Variants in GPC5 observed in about 807,000 individuals in gnomAD.
The protein encoded by GPC5 is glypican-5.
GPC5 carries 47 observed loss-of-function variants against 53.9 expected under a neutral mutation model. The ratio of observed to expected loss-of-function variants is 0.87; its 90% CI spans 0.69 to 1.11. The LOEUF (loss-of-function observed/expected upper bound fraction) is 1.11, where lower values mean the gene tolerates loss of function less well. Ranked by LOEUF, GPC5 falls within the 50% of genes most tolerant of loss-of-function variation. The pLI is 0.00. For synonymous variants in GPC5, 286 were observed against 263.3 expected, an observed-to-expected ratio of 1.09 and a Z score of -0.84; for missense variants, 748 against 713.1, an observed-to-expected ratio of 1.05 and a Z score of -0.56.
At chr13:92,632,249 ATATT>A (rs1277825262) in intron 7 of GPC5, among the ~76,000 whole-genome samples, 6 of 152,102 alleles carry the variant, frequency 3.9e-5, no homozygotes, top group Admixed American at 2.6e-4. Flanking sequence ...TTCTAATTAT[ATATT>A]TGATGATTAA....
At chr13:92,754,139 A>C (rs1390893314) in intron 7 of GPC5, among the ~76,000 whole-genome samples, 2 of 152,208 alleles carry the variant, frequency 1.3e-5, no homozygotes, top group Non-Finnish European at 2.9e-5. Flanking sequence ...TCTCGGCAGA[A>C]ACCCTACAAG....
At chr13:91,647,881 A>C (rs1373674666) in intron 2 of GPC5, among the ~76,000 whole-genome samples, 5 of 152,174 alleles carry the variant, frequency 3.3e-5, no homozygotes. Flanking sequence ...TTTCTAACAC[A>C]CTGTATAAGG....
chr13:92,311,721 C>T (rs1302080384), intron 7 of GPC5, among the ~76,000 whole-genome samples: 1 of 152,088 alleles, frequency 6.6e-6, no homozygotes, highest in African/African-American at 2.4e-5. Flanking sequence ...TGGGAAAAAC[C>T]CACCCCTATG....
chr13:92,294,832 T>TC (rs1198886008), intron 7 of GPC5, among the ~76,000 whole-genome samples: 4 of 144,788 alleles, frequency 2.8e-5, no homozygotes, highest in African/African-American at 1.0e-4. Flanking sequence ...TTTTCTTTTT[T>TC]TTTTTTTTTT....
intron 7 of GPC5, among the ~76,000 whole-genome samples, chr13:92,398,691 A>G (rs1389506360): frequency 3.9e-5 from 6 of 152,196 alleles, no homozygotes; most frequent in Non-Finnish European, 7.3e-5. Context: ...ACATCCAGCT[A>G]AATATATCAA....
chr13:92,231,684 ACAGCC>A (rs1310963726), intron 7 of GPC5, among the ~76,000 whole-genome samples: 1 of 149,448 alleles, frequency 6.7e-6, no homozygotes, highest in East Asian at 1.9e-4. Flanking sequence ...ATTCCCAATG[ACAGCC>A]AGGCAAGGTG....
intron 7 of GPC5, among the ~76,000 whole-genome samples, chr13:92,742,638 A>C (rs1056746904): frequency 1.3e-5 from 2 of 152,042 alleles, no homozygotes; most frequent in African/African-American, 4.8e-5. Flanking sequence ...TTGGTGTTTT[A>C]GACACGAAGT....
At chr13:92,327,750 C>A (rs957956892) in intron 7 of GPC5, among the ~76,000 whole-genome samples, 4 of 152,108 alleles carry the variant, frequency 2.6e-5, no homozygotes, top group Non-Finnish European at 5.9e-5. Context: ...ACAACGAAAT[C>A]AAAACTTTTC....
At chr13:92,157,526 C>T (rs959690111) in intron 7 of GPC5, among the ~76,000 whole-genome samples, 2 of 152,052 alleles carry the variant, frequency 1.3e-5, no homozygotes, top group African/African-American at 4.8e-5. Context: ...AGAATCCTGG[C>T]TTTTGAAACA....
chr13:92,357,217 T>C (rs182164941), intron 7 of GPC5, among the ~76,000 whole-genome samples: 2 of 151,884 alleles, frequency 1.3e-5, no homozygotes, highest in Non-Finnish European at 2.9e-5. Flanking sequence ...TTTATATTCC[T>C]TTGGGTATAT....
rs9515998 is a variant in GPC5 at position 91,994,377 on chromosome 13, A to T, written c.1401+86320A>T. The T allele has an allele frequency of 5.3e-5, 8 of 152,162 alleles. No homozygotes were observed. In the East Asian group the frequency reaches 5.8e-4, roughly 11 times the overall value. 9.4% of individuals were successfully genotyped at this position (152,162 alleles called of 1,614,324 possible). A position where few individuals can be genotyped will look rare whatever the true frequency, so the allele number is the denominator to read the frequency against. ...TATATGTTGTTGAAGGCATCAAAGA[A>T]GCCTGTGTTGGGCCATCATGGATTT... is the stretch of plus-strand genomic sequence containing the variant. On this transcript the variant is annotated intron_variant, in intron 6 of 7. Coordinates refer to ENST00000377067, the MANE Select transcript of GPC5 (RefSeq NM_004466.6).
At chr13:92,838,251 G>A (rs1326433067) in intron 7 of GPC5, among the ~76,000 whole-genome samples, 2 of 151,906 alleles carry the variant, frequency 1.3e-5, no homozygotes, top group African/African-American at 2.4e-5. Context: ...TTGGGAGGCC[G>A]CGGAGGGCGG....
At chr13:92,205,616 C>G (rs1333417384) in intron 7 of GPC5, among the ~76,000 whole-genome samples, 3 of 152,150 alleles carry the variant, frequency 2.0e-5, no homozygotes, top group African/African-American at 4.8e-5. Context: ...TTGGCCAAGC[C>G]TTTCTTACAG....
intron 2 of GPC5, among the ~76,000 whole-genome samples, chr13:91,615,561 T>C (rs1259949187): frequency 6.6e-6 from 1 of 152,184 alleles, no homozygotes; most frequent in Non-Finnish European, 1.5e-5. Flanking sequence ...ACAGAGCCTA[T>C]GTTTTTCTTG....
intron 7 of GPC5, among the ~76,000 whole-genome samples, chr13:92,408,795 A>T (rs1411952589): frequency 6.6e-6 from 1 of 152,076 alleles, no homozygotes; most frequent in African/African-American, 2.4e-5. Context: ...ATAAAGAATA[A>T]CTAAGGTAGT....
At chr13:91,684,650 G>A (rs934476786) in intron 2 of GPC5, among the ~76,000 whole-genome samples, 1 of 152,164 alleles carries the variant, frequency 6.6e-6, no homozygotes, top group Non-Finnish European at 1.5e-5. Context: ...CATACTGTTA[G>A]CATAGCCTTT....
chr13:92,249,884 A>G (rs1292704729), intron 7 of GPC5, among the ~76,000 whole-genome samples: 1 of 152,082 alleles, frequency 6.6e-6, no homozygotes, highest in African/African-American at 2.4e-5. Context: ...TACCTCTCTT[A>G]GTTTCCGGTA....
intron 7 of GPC5, among the ~76,000 whole-genome samples, chr13:92,159,445 G>A (rs2041969821): frequency 6.6e-6 from 1 of 152,064 alleles, no homozygotes; most frequent in South Asian, 2.1e-4. Context: ...GGGGACTCAG[G>A]TATGAGCATC....
chr13:91,524,767 C>A (rs894751379), intron 2 of GPC5, among the ~76,000 whole-genome samples: 1 of 152,126 alleles, frequency 6.6e-6, no homozygotes, highest in African/African-American at 2.4e-5. Flanking sequence ...ATAATTCACC[C>A]TTTCCCAAGG....
Sources: allele counts gnomAD v4.1 joint callset (sites outside exome capture counted in the v4.1 genomes callset), GRCh38; gene constraint gnomAD v4.1.1; transcripts MANE v1.5; gene names NCBI Gene and HGNC (gene_info 2026-07-23, HGNC 2026-07-21).